The following RNF11 variants were observed in gnomAD, a reference collection of about 807,000 sequenced individuals.
RNF11 encodes the protein ring finger protein 11.
A neutral mutation model predicts 15.8 loss-of-function variants in RNF11; 4 were observed. The observed-to-expected ratio is 0.25, with a 90% CI of 0.12 to 0.58. RNF11 has a LOEUF of 0.58. Ranked by LOEUF, RNF11 falls within the 20% of genes least tolerant of loss-of-function variation. The pLI is 0.91. For missense variants in RNF11, 139 were observed against 194.4 expected (o/e 0.71, Z 1.70); for synonymous variants, 68 against 72.3 (o/e 0.94, Z 0.30).
chr1:51,243,775 A>G (rs1646840407), intron 1 of RNF11, among the ~76,000 whole-genome samples: 1 of 152,224 alleles, frequency 6.6e-6, no homozygotes, highest in South Asian at 2.1e-4. Context: ...CACTGAAGAT[A>G]TCTGACTTAG....
intron 1 of RNF11, among the ~76,000 whole-genome samples, chr1:51,253,912 T>C (rs1176227167): frequency 6.6e-6 from 1 of 152,002 alleles, no homozygotes; most frequent in African/African-American, 2.4e-5. Context: ...GGCGGGAGGA[T>C]TGCTTGAGCC....
intron 1 of RNF11, chr1:51,251,573 A>G: frequency 1.8e-6 from 1 of 550,612 alleles, no homozygotes; most frequent in Non-Finnish European, 3.2e-6. Context: ...GTCATGATGG[A>G]TGCATAAAAT....
chr1:51,240,349 C>T (rs1646822897), intron 1 of RNF11, among the ~76,000 whole-genome samples: 1 of 152,188 alleles, frequency 6.6e-6, no homozygotes, highest in South Asian at 2.1e-4. Context: ...CCCTTACCTC[C>T]TTCAAGTCTT....
chr1:51,242,519 T>G (rs1352493146), intron 1 of RNF11, among the ~76,000 whole-genome samples: 1 of 152,136 alleles, frequency 6.6e-6, no homozygotes, highest in Non-Finnish European at 1.5e-5. Flanking sequence ...CTTTTGTTGT[T>G]AAAAGGATTG....
chr1:51,256,716 G>A (rs1399525860), intron 1 of RNF11, among the ~76,000 whole-genome samples: 1 of 152,080 alleles, frequency 6.6e-6, no homozygotes, highest in African/African-American at 2.4e-5. Context: ...CTGTCACCCA[G>A]GCTGGAGTAC....
intron 1 of RNF11, among the ~76,000 whole-genome samples, chr1:51,264,658 G>A (rs1444093488): frequency 1.3e-5 from 2 of 152,196 alleles, no homozygotes; most frequent in East Asian, 3.9e-4. Context: ...AAAAGATACC[G>A]CTTTTGGTGA....
At chr1:51,244,682 G>C (rs1382139539) in intron 1 of RNF11, among the ~76,000 whole-genome samples, 1 of 152,056 alleles carries the variant, frequency 6.6e-6, no homozygotes, top group African/African-American at 2.4e-5. Flanking sequence ...CCTGAATTTG[G>C]TTTTGTGTTC....
chr1:51,252,081 CAAAAAA>C (rs928146865), intron 1 of RNF11, among the ~76,000 whole-genome samples: 3 of 53,648 alleles, frequency 5.6e-5, no homozygotes, highest in Non-Finnish European at 1.1e-4. Flanking sequence ...CATCTCAAAG[CAAAAAA>C]AAAAAAAAAA....
chr1:51,265,401 A>G (rs1395445896), intron 1 of RNF11, among the ~76,000 whole-genome samples: 1 of 149,832 alleles, frequency 6.7e-6, no homozygotes, highest in Non-Finnish European at 1.5e-5. Flanking sequence ...TTTCTATTCT[A>G]CCCCCTTCCA....
At chr1:51,269,380 G>A (rs1430869145) in intron 1 of RNF11, among the ~76,000 whole-genome samples, 4 of 152,310 alleles carry the variant, frequency 2.6e-5, no homozygotes, top group Middle Eastern at 3.4e-3. Context: ...ACAGTAAGTT[G>A]TGTTTGTGCC....
At chr1:51,271,094 T>C in intron 2 of RNF11, 57 bp from the exon 3 acceptor site, 2 of 1,437,946 alleles carry the variant, frequency 1.4e-6, no homozygotes, top group Non-Finnish European at 1.9e-6. Context: ...TTAAAGAGTT[T>C]TCTGAATAGG....
At chr1:51,257,968 C>T (rs1038492423) in intron 1 of RNF11, among the ~76,000 whole-genome samples, 2 of 150,514 alleles carry the variant, frequency 1.3e-5, no homozygotes, top group Non-Finnish European at 2.9e-5. Context: ...GTTCTCCTGC[C>T]TCAGCCTCCC....
At chr1:51,259,455 G>C (rs138591709) in intron 1 of RNF11, among the ~76,000 whole-genome samples, 4 of 152,302 alleles carry the variant, frequency 2.6e-5, no homozygotes, top group Non-Finnish European at 5.9e-5. Context: ...CTGACACACA[G>C]TGGCACTCTG....
chr1:51,261,337 A>G (rs1021439151), intron 1 of RNF11, among the ~76,000 whole-genome samples: 4 of 152,094 alleles, frequency 2.6e-5, no homozygotes, highest in Non-Finnish European at 1.5e-5. Flanking sequence ...TAAGGTTTCC[A>G]TGGCAAAAAA....
chr1:51,257,340 C>G (rs1007313680), intron 1 of RNF11, among the ~76,000 whole-genome samples: 1 of 152,216 alleles, frequency 6.6e-6, no homozygotes, highest in South Asian at 2.1e-4. Flanking sequence ...CCTGGAAGCA[C>G]TCACGTGAGG....
intron 1 of RNF11, among the ~76,000 whole-genome samples, chr1:51,246,996 A>G (rs533459366): frequency 6.6e-6 from 1 of 151,084 alleles, no homozygotes; most frequent in Non-Finnish European, 1.5e-5. Flanking sequence ...AAAAAAAAAA[A>G]GGAAAAAATA....
chr1:51,267,110 G>A (rs1471411218), intron 1 of RNF11, among the ~76,000 whole-genome samples: 2 of 152,164 alleles, frequency 1.3e-5, no homozygotes, highest in Non-Finnish European at 2.9e-5. Flanking sequence ...ATGGTGTTGT[G>A]TACCTGTAAT....
At chr1:51,258,387 A>G (rs1646915057) in intron 1 of RNF11, among the ~76,000 whole-genome samples, 1 of 152,158 alleles carries the variant, frequency 6.6e-6, no homozygotes, top group Admixed American at 6.5e-5. Context: ...AATAGGGATA[A>G]CTGCACAGTG....
Position 51,236,845 on chromosome 1 carries a change from C to T in RNF11, c.89C>T (p.Thr30Met), listed in dbSNP as rs1402697332. The T allele has an allele frequency of 1.9e-6, 3 of 1,610,536 alleles. No homozygotes were observed. The highest frequency in any genetic ancestry group is 2.5e-6 in the Non-Finnish European group (3 of 1,178,624). The change falls in exon 1 of 3, where the codon ACG (threonine) becomes ATG (methionine). Residue 30 changes from threonine to methionine, a missense_variant. By Grantham distance (81) the Thr-to-Met change is moderately conservative. Coordinates refer to ENST00000242719, the MANE Select transcript of RNF11 (RefSeq NM_014372.5). ...QSDRASFGEG[T>M]EPDQEPPPPY... is the part of the protein sequence containing the mutation. Reference sequence around the variant, plus strand: ...GACCGGGCTAGCTTTGGCGAGGGGACGGAGCCGGATCAGGAGCCGCCGCCG... The same window carrying T: ...GACCGGGCTAGCTTTGGCGAGGGGATGGAGCCGGATCAGGAGCCGCCGCCG...
Sources: allele counts gnomAD v4.1 joint callset (sites outside exome capture counted in the v4.1 genomes callset), GRCh38; gene constraint gnomAD v4.1.1; transcripts MANE v1.5; gene names NCBI Gene and HGNC (gene_info 2026-07-23, HGNC 2026-07-21).